Variants in BCL2 observed in about 807,000 individuals in gnomAD.
The protein encoded by BCL2 is apoptosis regulator Bcl-2.
Under a neutral mutation model 14.2 loss-of-function variants are expected in BCL2, and 1 was observed. That is an observed-to-expected ratio of 0.07 (90% CI 0.02 to 0.33). The LOEUF is 0.33. BCL2 is among the 10% of genes least tolerant of loss of function. The pLI, the probability that BCL2 is intolerant of heterozygous loss-of-function variation, is 0.99. For synonymous variants in BCL2, 151 were observed against 137.2 expected, an observed-to-expected ratio of 1.10 and a Z score of -0.70; for missense variants, 247 against 305.9, an observed-to-expected ratio of 0.81 and a Z score of 1.44.
rs990619438 is a variant in BCL2 at position 63,222,223 on chromosome 18, G to A, written c.586-93464C>T. Among the ~76,000 whole-genome samples the A allele has an allele frequency of 4.2e-5, 6 of 143,510 alleles. No homozygotes were observed. The East Asian group carries it at 6.0e-4, about 14-fold the overall frequency. 94.1% of individuals were successfully genotyped at this position (143,510 alleles called of 152,430 possible). A position where few individuals can be genotyped will look rare whatever the true frequency, so the allele number is the denominator to read the frequency against. ...TGGGAGGCAGAGGTTTCAGTGAGCC[G>A]AGATCGCACCACTGCACTCCAGCCT... On this transcript the variant is annotated intron_variant, in intron 2 of 2. Coordinates refer to ENST00000333681, the MANE Select transcript of BCL2 (RefSeq NM_000633.3).
At chr18:63,225,082 A>G (rs1361043046) in intron 2 of BCL2, among the ~76,000 whole-genome samples, 2 of 152,042 alleles carry the variant, frequency 1.3e-5, no homozygotes, top group Non-Finnish European at 2.9e-5. Context: ...TAATGTGATC[A>G]GCTTTGTGGA....
At chr18:63,199,605 T>C (rs1909630876) in intron 2 of BCL2, among the ~76,000 whole-genome samples, 1 of 145,744 alleles carries the variant, frequency 6.9e-6, no homozygotes, top group Non-Finnish European at 1.5e-5. Context: ...TAGACACACA[T>C]ACAACACATG....
chr18:63,217,312 C>T lies in BCL2; in HGVS notation c.586-88553G>A, dbSNP rs538489822. ...AAGGCAAAGTACCAGCCAGTACTTCCAATAAAATAATTTATTGAGAGTTAT... is the reference window on the plus strand; with the variant it reads ...AAGGCAAAGTACCAGCCAGTACTTCTAATAAAATAATTTATTGAGAGTTAT... On this transcript the variant is annotated intron_variant, in intron 2 of 2. Coordinates refer to ENST00000333681, the MANE Select transcript of BCL2 (RefSeq NM_000633.3). 4.6e-5 allele frequency among the ~76,000 whole-genome samples: 7 copies of T among 152,210 alleles called. No individual in the cohort carries two copies. The East Asian group carries it at 1.3e-3, about 29-fold the overall frequency.
chr18:63,306,968 C>CTA (rs1913158955), intron 2 of BCL2, among the ~76,000 whole-genome samples: 1 of 151,932 alleles, frequency 6.6e-6, no homozygotes, highest in African/African-American at 2.4e-5. Context: ...CTGCCCTAGA[C>CTA]TATCAGCCAC....
intron 2 of BCL2, among the ~76,000 whole-genome samples, chr18:63,177,521 C>G (rs2144637671): frequency 6.6e-6 from 1 of 152,272 alleles, no homozygotes; most frequent in South Asian, 2.1e-4. Flanking sequence ...CAGCTGAGTC[C>G]CAGCATCCTC....
At chr18:63,247,517 T>C (rs1031248010) in intron 2 of BCL2, among the ~76,000 whole-genome samples, 1 of 152,056 alleles carries the variant, frequency 6.6e-6, no homozygotes, top group East Asian at 1.9e-4. Context: ...TCTTGGTACT[T>C]CCTTTATCCT....
At chr18:63,279,222 T>C (rs1380392766) in intron 2 of BCL2, among the ~76,000 whole-genome samples, 2 of 152,208 alleles carry the variant, frequency 1.3e-5, no homozygotes, top group Non-Finnish European at 2.9e-5. Flanking sequence ...GAAATTCTTT[T>C]CATCAAAAGA....
intron 2 of BCL2, among the ~76,000 whole-genome samples, chr18:63,193,323 G>C (rs1012057388): frequency 1.3e-5 from 2 of 152,132 alleles, no homozygotes; most frequent in African/African-American, 4.8e-5. Context: ...GTGAGTGTGT[G>C]TGTTAAGAAC....
At chr18:63,212,248 A>G (rs1910040218) in intron 2 of BCL2, among the ~76,000 whole-genome samples, 1 of 151,532 alleles carries the variant, frequency 6.6e-6, no homozygotes, top group South Asian at 2.1e-4. Context: ...GAATTGCTTG[A>G]ACCCAGGAGG....
chr18:63,311,875 C>T (rs1387418840), intron 2 of BCL2, among the ~76,000 whole-genome samples: 1 of 152,158 alleles, frequency 6.6e-6, no homozygotes, highest in Non-Finnish European at 1.5e-5. Flanking sequence ...TTTAAAAGGG[C>T]GTTTGGGGAA....
intron 2 of BCL2, among the ~76,000 whole-genome samples, chr18:63,202,240 C>A (rs944302173): frequency 6.6e-5 from 10 of 152,060 alleles, no homozygotes; most frequent in African/African-American, 2.4e-4. Flanking sequence ...ACTCAGGAGG[C>A]GGAGGTTGCA....
At chr18:63,234,871 T>C (rs1486877495) in intron 2 of BCL2, among the ~76,000 whole-genome samples, 2 of 152,222 alleles carry the variant, frequency 1.3e-5, no homozygotes, top group Non-Finnish European at 2.9e-5. Flanking sequence ...GAAAATCTCT[T>C]AGCAGACCAT....
intron 2 of BCL2, among the ~76,000 whole-genome samples, chr18:63,240,603 G>A (rs559815626): frequency 4.8e-4 from 73 of 152,370 alleles, no homozygotes; most frequent in African/African-American, 1.6e-3. Context: ...AAATTAGCCT[G>A]ATTTCTCATG....
intron 2 of BCL2, among the ~76,000 whole-genome samples, chr18:63,295,560 G>A (rs1912775842): frequency 6.6e-6 from 1 of 152,196 alleles, no homozygotes. Flanking sequence ...TTCCCCATTT[G>A]CAGATGAAGA....
At position 63,127,253 on chromosome 18, in the gene BCL2, C is replaced by T. The variant is rs1348342736; in HGVS notation, c.*1372G>A. The T allele has an allele frequency of 4.3e-6, 1 of 231,198 alleles. No homozygotes were observed. Among genetic ancestry groups the T allele is most frequent in the Non-Finnish European group, 8.6e-6 (1 of 116,756 alleles). 14.3% of individuals were successfully genotyped at this position (231,198 alleles called of 1,614,324 possible). ...AAGTCATTTAAAGCCTTGCTTTAAA[C>T]TCACAGGTGGGCCAAGGCCACACAG... On this transcript the variant is annotated 3_prime_UTR_variant, in exon 3 of 3. Coordinates refer to ENST00000333681, the MANE Select transcript of BCL2 (RefSeq NM_000633.3).
intron 2 of BCL2, among the ~76,000 whole-genome samples, chr18:63,192,745 T>C (rs181866281): frequency 9.7e-4 from 122 of 125,196 alleles, no homozygotes; most frequent in African/African-American, 2.9e-3. Flanking sequence ...CCTTCACCCC[T>C]GCCCCAGCAT....
At chr18:63,258,167 T>TG (rs1281036270) in intron 2 of BCL2, among the ~76,000 whole-genome samples, 2 of 151,968 alleles carry the variant, frequency 1.3e-5, no homozygotes, top group African/African-American at 4.8e-5. Context: ...CTGGAAGAGG[T>TG]GGGGGGTGGA....
chr18:63,240,840 T>C (rs939358762), intron 2 of BCL2, among the ~76,000 whole-genome samples: 1 of 152,252 alleles, frequency 6.6e-6, no homozygotes, highest in African/African-American at 2.4e-5. Flanking sequence ...TGTTACATTA[T>C]AAGCTCTTGG....
intron 2 of BCL2, among the ~76,000 whole-genome samples, chr18:63,158,937 C>T (rs1328715090): frequency 6.6e-6 from 1 of 152,146 alleles, no homozygotes; most frequent in South Asian, 2.1e-4. Flanking sequence ...GTGCAATTCA[C>T]GTTAACCCCC....
Sources: gnomAD v4.1 joint callset for allele counts (sites outside exome capture counted in the v4.1 genomes callset) on GRCh38, gnomAD v4.1.1 for gene constraint, MANE v1.5 for transcripts, NCBI Gene and HGNC (gene_info 2026-07-23, HGNC 2026-07-21) for gene names.